Variants in NIBAN2 observed in about 807,000 individuals in gnomAD.
NIBAN2 encodes niban apoptosis regulator 2.
Under a neutral mutation model 81.8 loss-of-function variants are expected in NIBAN2, and 36 were observed. The ratio of observed to expected loss-of-function variants is 0.44; its 90% CI spans 0.34 to 0.58. The LOEUF (loss-of-function observed/expected upper bound fraction) is 0.58. Among genes scored for constraint, NIBAN2 ranks in the 20% least tolerant of loss-of-function variants. The probability of loss-of-function intolerance (pLI) is 0.02; values close to 1 mark genes in which losing one functional copy is unlikely to be tolerated. For missense variants in NIBAN2, 897 were observed against 1,014.1 expected, an observed-to-expected ratio of 0.88 and a Z score of 1.57; for synonymous variants, 445 against 441.6, an observed-to-expected ratio of 1.01 and a Z score of -0.10.
chr9:127,527,462 C>G, intron 2 of NIBAN2, 140 bp from the exon 3 acceptor site: 3 of 774,498 alleles, frequency 3.9e-6, no homozygotes, highest in Non-Finnish European at 6.4e-6. Flanking sequence ...CCCAAGTCCT[C>G]CCAAGGCCTC....
Position 127,508,081 on chromosome 9 carries a change from G to A in NIBAN2, c.1542+12C>T, listed in dbSNP as rs772146953. ...AGGGCCCAAACGGCTGGAGCAGGTG[G>A]GGGCTGCTCACCGACTTGCAGGTAG... is the stretch of plus-strand genomic sequence containing the variant. On this transcript the variant is annotated intron_variant, in intron 12 of 13. Coordinates refer to ENST00000373312, the MANE Select transcript of NIBAN2 (RefSeq NM_022833.4). The surrounding 1 kb of genome is among the most constrained non-coding windows in gnomAD (Gnocchi z 6.4). 1 of 1,612,174 alleles carries A rather than the reference G, an allele frequency of 6.2e-7. No homozygotes were observed. The highest frequency in any genetic ancestry group is 2.2e-5 in the East Asian group (1 of 44,874).
Position 127,536,193 on chromosome 9 carries a change from C to T in NIBAN2, c.56-4415G>A, listed in dbSNP as rs1837275404. Among the ~76,000 whole-genome samples, 1 of 152,192 alleles carries T rather than the reference C, an allele frequency of 6.6e-6. No individual in the cohort carries two copies. Among genetic ancestry groups the T allele is most frequent in the South Asian group, 2.1e-4 (1 of 4,834 alleles). ...GTACAGAGGAAGTAACCCAGAGACG[C>T]AGAAGATGAGGACTCGGGTGCTGGG... On this transcript the variant is annotated intron_variant, in intron 1 of 13. Coordinates refer to ENST00000373312, the MANE Select transcript of NIBAN2 (RefSeq NM_022833.4). The surrounding 1 kb of genome is among the most constrained non-coding windows in gnomAD (Gnocchi z 4.0).
Position 127,545,575 on chromosome 9 carries a change from G to A in NIBAN2, c.56-13797C>T, listed in dbSNP as rs1053433271. 6.6e-6 allele frequency among the ~76,000 whole-genome samples: 1 copy of A among 152,148 alleles called. No homozygotes were observed. Among genetic ancestry groups the A allele is most frequent in the Admixed American group, 6.5e-5 (1 of 15,280 alleles). On this transcript the variant is annotated intron_variant, in intron 1 of 13. Coordinates refer to ENST00000373312, the MANE Select transcript of NIBAN2 (RefSeq NM_022833.4). This position sits in a 1 kb window ranked among gnomAD's most constrained non-coding sequence, Gnocchi z 4.7. ...GGCAGGTCAGGCCCAACAGAGCCAG[G>A]AGTCAGCTGGGGTTTTTCACAAGGC...
chr9:127,511,202 G>T (rs951465214), intron 8 of NIBAN2, among the ~76,000 whole-genome samples: 2 of 145,296 alleles, frequency 1.4e-5, no homozygotes, highest in African/African-American at 4.9e-5. Flanking sequence ...GCACCACCAT[G>T]CCCGGTGATT....
rs959608550 is a variant in NIBAN2, at chr9:127,559,867, A to C, written c.55+8953T>G. On this transcript the variant is annotated intron_variant, in intron 1 of 13. Transcript: ENST00000373312. This position sits in a 1 kb window ranked among gnomAD's most constrained non-coding sequence, Gnocchi z 4.0. ...CCTATGTGAACCACATAGAACGGTA[A>C]CAGTGGATGAACCAGGAGCCGATGC... 2.0e-5 allele frequency among the ~76,000 whole-genome samples: 3 copies of C among 152,282 alleles called. No individual in the cohort carries two copies. The highest frequency in any genetic ancestry group is 4.4e-5 in the Non-Finnish European group (3 of 68,026).
chr9:127,507,313 C>T lies in NIBAN2; in HGVS notation c.1773G>A (p.Glu591=). 6.3e-7 allele frequency: 1 copy of T among 1,579,078 alleles called. No individual in the cohort carries two copies. Among genetic ancestry groups the T allele is most frequent in the Non-Finnish European group, 8.6e-7 (1 of 1,158,362 alleles). ...CGCCCCCGCCGCTGTTGCTGTACTC[C>T]TCGCCCCAGTCGATGGGGGCGCCCT... ...LAEGAPIDWG[E]EYSNSGGGGS... Residue 591 remains glutamate (E), a synonymous_variant, in exon 14 of 14, where the codon GAG becomes GAA. Coordinates refer to ENST00000373312, the MANE Select transcript of NIBAN2 (RefSeq NM_022833.4). The surrounding 1 kb of genome is among the most constrained non-coding windows in gnomAD (Gnocchi z 6.8).
At chr9:127,521,762 C>T (rs1588159373) in intron 5 of NIBAN2, among the ~76,000 whole-genome samples, 1 of 152,284 alleles carries the variant, frequency 6.6e-6, no homozygotes, top group South Asian at 2.1e-4. Context: ...ATTCCCTGGC[C>T]CAGCAGCTCT....
At chr9:127,514,285 A>AAG (rs1292906425) in intron 8 of NIBAN2, among the ~76,000 whole-genome samples, 4 of 151,502 alleles carry the variant, frequency 2.6e-5, no homozygotes, top group African/African-American at 9.7e-5. Context: ...AAAAAAAAAA[A>AAG]AACTAAAAGA....
intron 1 of NIBAN2, among the ~76,000 whole-genome samples, chr9:127,532,728 T>TAA (rs879622391): frequency 6.1e-5 from 9 of 146,652 alleles, no homozygotes; most frequent in East Asian, 2.0e-4. Flanking sequence ...TCAGCTCATT[T>TAA]AAAAAAAAAA....
rs1227696252 is a variant in NIBAN2, at chr9:127,507,014, G to A, written c.2072C>T (p.Ser691Phe). The A allele has an allele frequency of 6.3e-7, 1 of 1,593,376 alleles. No homozygotes were observed. The highest frequency in any genetic ancestry group is 2.3e-5 in the East Asian group (1 of 44,434). ...SPQPKAAPEA[S>F]SPPASPLQHL... Reference sequence around the variant, plus strand: ...CTGGAGGGGTGAGGCAGGCGGCGAGGAGGCCTCGGGGGCGGCCTTAGGCTG... The same window carrying A: ...CTGGAGGGGTGAGGCAGGCGGCGAGAAGGCCTCGGGGGCGGCCTTAGGCTG... The change falls in exon 14 of 14, where the codon TCC (serine) becomes TTC (phenylalanine). Residue 691 changes from serine to phenylalanine, a missense_variant. Coordinates refer to ENST00000373312, the MANE Select transcript of NIBAN2 (RefSeq NM_022833.4). This position sits in a 1 kb window ranked among gnomAD's most constrained non-coding sequence, Gnocchi z 6.8.
upstream of NIBAN2, among the ~76,000 whole-genome samples, chr9:127,571,620 C>T (rs185328247): frequency 3.5e-3 from 527 of 152,124 alleles, 3 homozygotes; most frequent in Non-Finnish European, 3.1e-3. Context: ...CGCTTGAACC[C>T]GGGAGGCAGA....
intron 1 of NIBAN2, among the ~76,000 whole-genome samples, chr9:127,546,206 C>A (rs1272137240): frequency 6.6e-6 from 1 of 152,230 alleles, no homozygotes; most frequent in Non-Finnish European, 1.5e-5. Flanking sequence ...TCCACAATGT[C>A]TCTGGCCTTC....
chr9:127,523,448 AC>A (rs1050195526), intron 5 of NIBAN2, among the ~76,000 whole-genome samples: 3 of 150,458 alleles, frequency 2.0e-5, no homozygotes, highest in African/African-American at 7.4e-5. Context: ...CAACAACCAC[AC>A]CCCTCTGTGA....
At chr9:127,523,901 G>A in intron 4 of NIBAN2, 55 bp from the exon 5 acceptor site, 1 of 1,563,376 alleles carries the variant, frequency 6.4e-7, no homozygotes, top group African/African-American at 1.3e-5. Context: ...CTCCACCAGA[G>A]GATGTCAGAG....
intron 1 of NIBAN2, among the ~76,000 whole-genome samples, chr9:127,542,142 G>GCTC (rs2132207664): frequency 6.6e-6 from 1 of 152,316 alleles, no homozygotes; most frequent in South Asian, 2.1e-4. Context: ...CAGTGGTACA[G>GCTC]CTCCTACTGC....
chr9:127,569,328 G>A (rs1837918008), upstream of NIBAN2, among the ~76,000 whole-genome samples: 1 of 150,948 alleles, frequency 6.6e-6, no homozygotes, highest in South Asian at 2.1e-4. Flanking sequence ...CGCCGGGACC[G>A]CCCTGGAGAA....
rs531229954 is a variant in NIBAN2 at position 127,536,089 on chromosome 9, G to T, written c.56-4311C>A. ...GACCATGGGAAACAGGGCCACGGAT[G>T]GCTCCTTGGCAGGGGTAGCCCCGAG... On this transcript the variant is annotated intron_variant, in intron 1 of 13. Coordinates refer to ENST00000373312, the MANE Select transcript of NIBAN2 (RefSeq NM_022833.4). The surrounding 1 kb of genome is among the most constrained non-coding windows in gnomAD (Gnocchi z 4.0). Among the ~76,000 whole-genome samples, 1 of 152,276 alleles carries T rather than the reference G, an allele frequency of 6.6e-6. No individual in the cohort carries two copies. Among genetic ancestry groups the T allele is most frequent in the Admixed American group, 6.5e-5 (1 of 15,298 alleles).
chr9:127,543,857 G>A (rs187940016), intron 1 of NIBAN2, among the ~76,000 whole-genome samples: 1 of 152,292 alleles, frequency 6.6e-6, no homozygotes, highest in Admixed American at 6.5e-5. Context: ...TGCAACATGA[G>A]CTAATGCATG....
At chr9:127,560,513 T>G (rs6478786) in intron 1 of NIBAN2, among the ~76,000 whole-genome samples, 12,739 of 151,956 alleles carry the variant, frequency 0.084, 1,067 homozygotes, top group African/African-American at 0.21. Flanking sequence ...AGCCTTTGTG[T>G]TTCCCTCTAC....
Sources: allele counts gnomAD v4.1 joint callset (sites outside exome capture counted in the v4.1 genomes callset), GRCh38; gene constraint gnomAD v4.1.1; non-coding constraint Gnocchi (gnomAD v3.1); transcripts MANE v1.5; gene names NCBI Gene and HGNC (gene_info 2026-07-23, HGNC 2026-07-21).